Variants in MBTPS2 observed in about 807,000 individuals in gnomAD.
MBTPS2 encodes membrane bound transcription factor peptidase, site 2, also known as membrane-bound transcription factor site-2 protease.
Under a neutral mutation model 35.4 loss-of-function variants are expected in MBTPS2, and 2 were observed. That is an observed-to-expected ratio of 0.06 (90% confidence interval 0.02 to 0.18). The LOEUF (loss-of-function observed/expected upper bound fraction) is 0.18. Among genes scored for constraint, MBTPS2 ranks in the 10% least tolerant of loss-of-function variants. The pLI, the probability that MBTPS2 is intolerant of heterozygous loss-of-function variation, is 1.00. For missense variants in MBTPS2, 244 were observed against 386.5 expected, an observed-to-expected ratio of 0.63 and a Z score of 3.09; for synonymous variants, 125 against 140.4, an observed-to-expected ratio of 0.89 and a Z score of 0.77.
chrX:21,851,261 G>A (rs2092914349), intron 3 of MBTPS2, among the ~76,000 whole-genome samples: 1 of 111,966 alleles, frequency 8.9e-6, no homozygotes, highest in Non-Finnish European at 1.9e-5. Flanking sequence ...TTAACCTGGT[G>A]TTTCTCATTC....
intron 5 of MBTPS2, among the ~76,000 whole-genome samples, chrX:21,865,705 A>G (rs967103986): frequency 2.7e-5 from 3 of 112,613 alleles, no homozygotes; most frequent in Non-Finnish European, 5.6e-5. Context: ...TGAGTTATTC[A>G]AGGAATATTG....
chrX:21,853,560 T>C (rs886137880), intron 5 of MBTPS2, 57 bp downstream of exon 5: 4 of 1,109,453 alleles, frequency 3.6e-6, no homozygotes, highest in African/African-American at 1.8e-5. Flanking sequence ...TGATTTTCTA[T>C]GGTTAGTGCT....
intron 7 of MBTPS2, among the ~76,000 whole-genome samples, chrX:21,877,424 A>G (rs1049320017): frequency 2.7e-5 from 3 of 111,968 alleles, no homozygotes; most frequent in Non-Finnish European, 5.6e-5. Flanking sequence ...CCTGGGTGAC[A>G]GAGCGAGACT....
intron 5 of MBTPS2, among the ~76,000 whole-genome samples, chrX:21,863,658 A>C (rs2092936040): frequency 8.9e-6 from 1 of 112,047 alleles, no homozygotes; most frequent in Admixed American, 9.5e-5. Context: ...CCTAATGTCC[A>C]AAACTAAGAC....
At chrX:21,861,045 C>T (rs1350478365) in intron 5 of MBTPS2, among the ~76,000 whole-genome samples, 2 of 111,596 alleles carry the variant, frequency 1.8e-5, no homozygotes, top group Non-Finnish European at 3.8e-5. Flanking sequence ...CCAAATTCCT[C>T]CCTATATAGA....
chrX:21,861,233 T>C (rs1049459894), intron 5 of MBTPS2, among the ~76,000 whole-genome samples: 2 of 111,843 alleles, frequency 1.8e-5, no homozygotes, highest in Admixed American at 9.5e-5. Flanking sequence ...AAAATGTCAA[T>C]TATGAGAGTA....
At chrX:21,851,769 T>C (rs2092915004) in intron 4 of MBTPS2, among the ~76,000 whole-genome samples, 157 bp downstream of exon 4, 1 of 112,195 alleles carries the variant, frequency 8.9e-6, no homozygotes, top group South Asian at 3.7e-4. Flanking sequence ...TTGAGGAAGC[T>C]TCTTTTTTTA....
rs368198170 is a variant in MBTPS2 at position 21,845,363 on chromosome X, T to G, written c.417T>G (p.Asn139Lys). 1 of 1,201,957 alleles carries G rather than the reference T, an allele frequency of 8.3e-7. No homozygotes were observed. Among genetic ancestry groups the G allele is most frequent in the Non-Finnish European group, 1.1e-6 (1 of 889,355 alleles). ...SSSSSSSSLH[N>K]EQVLQVVVPG... is the part of the protein sequence containing the mutation. ...CTTCTTCCTCTTCCTCGCTTCACAA[T>G]GAACAGGTGTTACAAGTTGTGGTAA... is the stretch of plus-strand genomic sequence containing the variant. Residue 139 changes from asparagine to lysine, a missense_variant, in exon 3 of 11, where the codon AAT becomes AAG. Transcript: ENST00000379484.
intron 7 of MBTPS2, among the ~76,000 whole-genome samples, chrX:21,875,971 G>T (rs1043176674): frequency 8.9e-6 from 1 of 111,779 alleles, no homozygotes; most frequent in African/African-American, 3.3e-5. Flanking sequence ...ATGAGATAAG[G>T]TAGTTTAAAA....
chrX:21,856,592 G>A (rs1178804127), intron 5 of MBTPS2: 2 of 1,211,861 alleles, frequency 1.7e-6, no homozygotes, highest in South Asian at 1.8e-5. Flanking sequence ...AGGACATTCC[G>A]ACGGAAAGCG....
At chrX:21,881,214 T>C (rs1413681438) in intron 10 of MBTPS2, among the ~76,000 whole-genome samples, 1 of 111,963 alleles carries the variant, frequency 8.9e-6, no homozygotes, top group Non-Finnish European at 1.9e-5. Flanking sequence ...AGAATACAAA[T>C]TGAGAATTGA....
At chrX:21,882,178 G>A (rs781608356) in intron 10 of MBTPS2, among the ~76,000 whole-genome samples, 230 of 111,711 alleles carry the variant, frequency 2.1e-3, no homozygotes, top group Admixed American at 3.5e-3. Flanking sequence ...GTCTTCCTAC[G>A]AGTTCATTAT....
chrX:21,876,494 G>C (rs1053858190), intron 7 of MBTPS2, among the ~76,000 whole-genome samples: 2 of 109,902 alleles, frequency 1.8e-5, no homozygotes, highest in African/African-American at 6.6e-5. Context: ...TGAACCGGGA[G>C]GCAGAGGTTG....
intron 2 of MBTPS2, among the ~76,000 whole-genome samples, chrX:21,843,734 A>C (rs2092905332): frequency 8.9e-6 from 1 of 112,241 alleles, no homozygotes; most frequent in Admixed American, 9.5e-5. Flanking sequence ...AGTGGAAAGA[A>C]GGATATAATA....
At chrX:21,845,439 A>G in intron 3 of MBTPS2, 55 bp downstream of exon 3, 1 of 1,075,747 alleles carries the variant, frequency 9.3e-7, no homozygotes, top group Non-Finnish European at 1.3e-6. Context: ...GCAAGATACC[A>G]CTTATGATCT....
At chrX:21,858,707 T>C (rs367900269) in intron 5 of MBTPS2, 8 of 120,538 alleles carry the variant, frequency 6.6e-5, no homozygotes, top group African/African-American at 2.7e-4. Flanking sequence ...CTGGGCAACA[T>C]GGCATAACTC....
At chrX:21,849,905 A>T (rs1178520171) in intron 3 of MBTPS2, among the ~76,000 whole-genome samples, 1 of 107,245 alleles carries the variant, frequency 9.3e-6, no homozygotes, top group African/African-American at 3.4e-5. Flanking sequence ...GGGCGCCTGT[A>T]GTCCCAGCTA....
rs777937950 is a variant in MBTPS2, at chrX:21,884,112, A to G, written c.*1457A>G. 7.0e-5 allele frequency: 52 copies of G among 738,697 alleles called. 1 individual carries two copies. The highest frequency in any genetic ancestry group is 7.8e-4 in the Middle Eastern group (1 of 1,286). 60.9% of individuals were successfully genotyped at this position (738,697 alleles called of 1,213,427 possible). A position where few individuals can be genotyped will look rare whatever the true frequency, so the allele number is the denominator to read the frequency against. ...AAAACTTTTTAATCATTTTTAAGAAACTTTTTAGATTGTATTACAAATTTG... is the reference window on the plus strand; with the variant it reads ...AAAACTTTTTAATCATTTTTAAGAAGCTTTTTAGATTGTATTACAAATTTG... On this transcript the variant is annotated 3_prime_UTR_variant, in exon 11 of 11. Coordinates refer to ENST00000379484, the MANE Select transcript of MBTPS2 (RefSeq NM_015884.4).
intron 5 of MBTPS2, among the ~76,000 whole-genome samples, chrX:21,860,205 C>T (rs1372043420): frequency 1.8e-5 from 2 of 111,938 alleles, no homozygotes; most frequent in Admixed American, 9.4e-5. Flanking sequence ...GTCAGGAGTT[C>T]AAGACCAGCC....
Sources: gnomAD v4.1 joint callset for allele counts (sites outside exome capture counted in the v4.1 genomes callset) on GRCh38, gnomAD v4.1.1 for gene constraint, MANE v1.5 for transcripts, NCBI Gene and HGNC (gene_info 2026-07-23, HGNC 2026-07-21) for gene names.